The following NFIB variants were observed in gnomAD, a reference collection of about 807,000 sequenced individuals.
NFIB encodes nuclear factor 1 B-type.
In NFIB, 11 loss-of-function variants were observed where a neutral mutation model predicts 61.5. That is an observed-to-expected ratio of 0.18 (90% CI 0.11 to 0.30). The LOEUF (loss-of-function observed/expected upper bound fraction) is 0.30, where lower values mean the gene tolerates loss of function less well. Among genes scored for constraint, NFIB ranks in the 10% least tolerant of loss-of-function variants. The pLI, the probability that NFIB is intolerant of heterozygous loss-of-function variation, is 1.00. For synonymous variants in NFIB, 260 were observed against 216.5 expected, an observed-to-expected ratio of 1.20 and a Z score of -1.76; for missense variants, 471 against 608.9, an observed-to-expected ratio of 0.77 and a Z score of 2.38.
chr9:14,338,806 C>A (rs2060915609), intron 1 of NFIB, among the ~76,000 whole-genome samples: 1 of 151,702 alleles, frequency 6.6e-6, no homozygotes. Flanking sequence ...TTCATCCATC[C>A]ATCTATCTAT....
chr9:14,168,827 C>T (rs1275559658), intron 3 of NFIB, among the ~76,000 whole-genome samples: 1 of 152,208 alleles, frequency 6.6e-6, no homozygotes, highest in East Asian at 1.9e-4. Flanking sequence ...CTCTCATCAG[C>T]AGCCTGAGCC....
chr9:14,300,914 T>C (rs1477390100), intron 2 of NFIB, among the ~76,000 whole-genome samples: 2 of 152,188 alleles, frequency 1.3e-5, no homozygotes, highest in Non-Finnish European at 2.9e-5. Context: ...TTGGGTATCT[T>C]GGATTGCTGT....
At chr9:14,342,665 C>T (rs1024308517) in intron 1 of NFIB, among the ~76,000 whole-genome samples, 2 of 152,166 alleles carry the variant, frequency 1.3e-5, no homozygotes, top group African/African-American at 4.8e-5. Flanking sequence ...TACACATAGT[C>T]ACCTAGCTAA....
chr9:14,435,042 A>G, the NFIB span, among the ~76,000 whole-genome samples: 1 of 152,240 alleles, frequency 6.6e-6, no homozygotes, highest in East Asian at 1.9e-4. Flanking sequence ...CTGATCATCT[A>G]TAGCCCCTTT....
At chr9:14,310,115 C>G (rs1432870713) in intron 1 of NFIB, among the ~76,000 whole-genome samples, 2 of 152,120 alleles carry the variant, frequency 1.3e-5, no homozygotes, top group African/African-American at 2.4e-5. Flanking sequence ...CAAGAAAGCT[C>G]AAAATTTTAA....
intron 3 of NFIB, among the ~76,000 whole-genome samples, chr9:14,156,445 G>A (rs956534997): frequency 1.3e-5 from 2 of 152,186 alleles, no homozygotes; most frequent in Middle Eastern, 3.2e-3. Flanking sequence ...AGAACTTTGC[G>A]TTGACCTATT....
chr9:14,209,569 T>G (rs2050096535), intron 2 of NFIB, among the ~76,000 whole-genome samples: 1 of 152,238 alleles, frequency 6.6e-6, no homozygotes. Context: ...CATTTCAGTT[T>G]GTTTTGTGGT....
chr9:14,188,372 G>T (rs2047603266), intron 2 of NFIB, among the ~76,000 whole-genome samples: 1 of 152,126 alleles, frequency 6.6e-6, no homozygotes, highest in Non-Finnish European at 1.5e-5. Flanking sequence ...TACATTAAAT[G>T]CACCAGCATA....
the NFIB span, among the ~76,000 whole-genome samples, chr9:14,518,901 G>C: frequency 6.6e-6 from 1 of 152,108 alleles, no homozygotes; most frequent in Non-Finnish European, 1.5e-5. Flanking sequence ...TGGGAGATGG[G>C]GGATTCCCAC....
intron 10 of NFIB, among the ~76,000 whole-genome samples, chr9:14,104,399 G>A (rs1217242097): frequency 7.2e-5 from 11 of 151,770 alleles, no homozygotes; most frequent in Admixed American, 7.2e-4. Flanking sequence ...AATTTAGTGT[G>A]ATGGGGCAAA....
At chr9:14,432,754 T>C in the NFIB span, among the ~76,000 whole-genome samples, 9 of 152,112 alleles carry the variant, frequency 5.9e-5, no homozygotes, top group Admixed American at 2.6e-4. Context: ...GAGTAGAAAA[T>C]AGTCTTGAAA....
In NFIB at chr9:14,082,226, T is replaced by G. The variant is rs759884057; in HGVS notation, c.*6083A>C. 9.8e-6 allele frequency: 2 copies of G among 204,136 alleles called. No homozygotes were observed. Among genetic ancestry groups the G allele is most frequent in the Non-Finnish European group, 2.0e-5 (2 of 99,384 alleles). The allele number at this position is 204,136 out of a possible 1,614,324, so 12.6% of individuals were successfully genotyped here. On this transcript the variant is annotated 3_prime_UTR_variant, in exon 11 of 11. Coordinates refer to ENST00000380953, the MANE Select transcript of NFIB (RefSeq NM_001190737.2). The stretch of plus-strand genomic sequence containing the variant: ...TGCCTCCTTTTGTAAAAAAATTTAA[T>G]TAAAATACAAGGTTCTGTATTTATG...
the NFIB span, among the ~76,000 whole-genome samples, chr9:14,446,120 G>A: frequency 5.7e-4 from 87 of 152,220 alleles, no homozygotes; most frequent in African/African-American, 2.0e-3. Context: ...CCCGAAGAAC[G>A]TGCCTTTGCT....
rs1250273840 is a variant in NFIB at position 14,087,538 on chromosome 9, G to C, written c.*771C>G. ...TACATAGAGGCATTTCTTCCATAGA[G>C]CCTTTGTGTTCAAACTGTTTTTTTC... On this transcript the variant is annotated 3_prime_UTR_variant, in exon 11 of 11. Coordinates refer to ENST00000380953, the MANE Select transcript of NFIB (RefSeq NM_001190737.2). 1 of 226,776 alleles carries C rather than the reference G, an allele frequency of 4.4e-6. No homozygotes were observed. Among genetic ancestry groups the C allele is most frequent in the Non-Finnish European group, 8.8e-6 (1 of 113,952 alleles). The allele number at this position is 226,776 out of a possible 1,614,324, so 14.0% of individuals were successfully genotyped here.
intron 2 of NFIB, among the ~76,000 whole-genome samples, chr9:14,286,147 T>G (rs557615257): frequency 6.6e-6 from 1 of 152,302 alleles, no homozygotes; most frequent in Non-Finnish European, 1.5e-5. Flanking sequence ...TTATTGGGTG[T>G]ACCCCAATGC....
intron 10 of NFIB, among the ~76,000 whole-genome samples, chr9:14,103,498 G>C (rs1478671976): frequency 6.6e-6 from 1 of 151,922 alleles, no homozygotes; most frequent in Non-Finnish European, 1.5e-5. Context: ...ATGATGACTG[G>C]AACCAAAGTA....
intron 4 of NFIB, 56 bp from the exon 5 acceptor site, chr9:14,150,321 T>A: frequency 6.2e-7 from 1 of 1,607,800 alleles, no homozygotes; most frequent in Non-Finnish European, 8.5e-7. Context: ...TGACCTCTAT[T>A]CAAATGTAAT....
the NFIB span, among the ~76,000 whole-genome samples, chr9:14,422,262 G>C: frequency 6.6e-6 from 1 of 152,126 alleles, no homozygotes; most frequent in Admixed American, 6.5e-5. Flanking sequence ...CCAGATGTTA[G>C]GCCTCTGGTT....
At chr9:14,403,055 T>C (rs995275245), upstream of NFIB, among the ~76,000 whole-genome samples, 2 of 152,212 alleles carry the variant, frequency 1.3e-5, no homozygotes, top group African/African-American at 2.4e-5. Flanking sequence ...CTATTTACAA[T>C]CATTTTGGCC....
Sources: gnomAD v4.1 joint callset for allele counts (sites outside exome capture counted in the v4.1 genomes callset) on GRCh38, gnomAD v4.1.1 for gene constraint, MANE v1.5 for transcripts, NCBI Gene and HGNC (gene_info 2026-07-23, HGNC 2026-07-21) for gene names.